Variants in COMMD1 observed in about 807,000 individuals in gnomAD.
COMMD1 encodes copper metabolism domain containing 1.
Under a neutral mutation model 17.2 loss-of-function variants are expected in COMMD1, and 10 were observed. The observed-to-expected ratio is 0.58, with a 90% CI of 0.36 to 0.99. The LOEUF (loss-of-function observed/expected upper bound fraction) is 0.99. Ranked by LOEUF, COMMD1 falls within the 50% of genes least tolerant of loss-of-function variation. The pLI, the probability that COMMD1 is intolerant of heterozygous loss-of-function variation, is 0.01. For synonymous variants in COMMD1, 97 were observed against 91.6 expected, an observed-to-expected ratio of 1.06 and a Z score of -0.34; for missense variants, 270 against 231.8, an observed-to-expected ratio of 1.17 and a Z score of -1.07.
chr2:61,914,647 G>A (rs1427216533), intron 1 of COMMD1, among the ~76,000 whole-genome samples: 3 of 152,100 alleles, frequency 2.0e-5, no homozygotes, highest in Non-Finnish European at 4.4e-5. Flanking sequence ...GTTGGGCGAG[G>A]TGGCTCATGC....
chr2:61,889,139 GT>G (rs1385735670), intron 1 of COMMD1, among the ~76,000 whole-genome samples: 1 of 148,054 alleles, frequency 6.8e-6, no homozygotes, highest in Non-Finnish European at 1.5e-5. Flanking sequence ...CCGACCTCAG[GT>G]GATCCACCCG....
intron 1 of COMMD1, among the ~76,000 whole-genome samples, chr2:61,950,069 A>G (rs900639371): frequency 3.9e-5 from 6 of 152,228 alleles, no homozygotes; most frequent in African/African-American, 1.4e-4. Context: ...TACCCGAAGA[A>G]CTAGTTCCTA....
intron 1 of COMMD1, among the ~76,000 whole-genome samples, chr2:61,891,264 G>GC (rs1225723501): frequency 2.0e-5 from 3 of 152,148 alleles, no homozygotes; most frequent in Non-Finnish European, 4.4e-5. Flanking sequence ...GAGTCTTAAA[G>GC]TTTTGAGACA....
chr2:61,970,591 A>C (rs760518961), intron 1 of COMMD1, among the ~76,000 whole-genome samples: 93 of 152,342 alleles, frequency 6.1e-4, no homozygotes, highest in Non-Finnish European at 9.3e-4. Flanking sequence ...TATTATAGAC[A>C]CAGATTTTTA....
intron 2 of COMMD1, among the ~76,000 whole-genome samples, chr2:62,078,674 G>A (rs532979082): frequency 6.7e-6 from 1 of 149,688 alleles, no homozygotes; most frequent in Non-Finnish European, 1.5e-5. Flanking sequence ...TGAGACCAGC[G>A]TGGCCAGCAT....
intron 1 of COMMD1, among the ~76,000 whole-genome samples, chr2:61,992,964 T>A (rs1672288994): frequency 6.6e-6 from 1 of 152,220 alleles, no homozygotes; most frequent in Non-Finnish European, 1.5e-5. Flanking sequence ...ACCCTCTGAT[T>A]TATACTTATA....
intron 2 of COMMD1, among the ~76,000 whole-genome samples, chr2:62,121,071 A>G (rs941217212): frequency 6.6e-6 from 1 of 152,032 alleles, no homozygotes; most frequent in African/African-American, 2.4e-5. Context: ...ACAGGTAACC[A>G]TTAAATCCTC....
intron 2 of COMMD1, among the ~76,000 whole-genome samples, chr2:62,116,596 C>T (rs1394801429): frequency 6.7e-6 from 1 of 148,422 alleles, no homozygotes; most frequent in Non-Finnish European, 1.5e-5. Context: ...CACTTAAACC[C>T]AGGAGGCGGA....
At chr2:61,904,159 C>T (rs574457207), upstream of COMMD1, among the ~76,000 whole-genome samples, 224 of 152,108 alleles carry the variant, frequency 1.5e-3, 1 homozygote, top group African/African-American at 3.7e-3. Flanking sequence ...TACAGGCGCC[C>T]GCCACTAGGC....
chr2:61,929,857 A>G lies in COMMD1; in HGVS notation c.180+23999A>G, dbSNP rs148803689. 7.1e-4 allele frequency among the ~76,000 whole-genome samples: 108 copies of G among 152,160 alleles called. 3 individuals carry two copies. The East Asian group carries it at 0.018, about 26-fold the overall frequency. On this transcript the variant is annotated intron_variant, in intron 1 of 2. Coordinates refer to ENST00000311832, the MANE Select transcript of COMMD1 (RefSeq NM_152516.4). The stretch of plus-strand genomic sequence containing the variant: ...GAGGATCACCTGAGCCTGGGAGGAC[A>G]AGGCTGTAGTGAGCTAGTGAGCTGT...
At chr2:62,129,611 C>T (rs1012763660) in intron 2 of COMMD1, among the ~76,000 whole-genome samples, 1 of 152,146 alleles carries the variant, frequency 6.6e-6, no homozygotes, top group African/African-American at 2.4e-5. Flanking sequence ...TTTTGAACTT[C>T]TCTGGCAGGC....
At chr2:61,937,482 A>G (rs1670634497) in intron 1 of COMMD1, among the ~76,000 whole-genome samples, 1 of 152,204 alleles carries the variant, frequency 6.6e-6, no homozygotes, top group Admixed American at 6.5e-5. Flanking sequence ...TGGCCAAGGG[A>G]CTTAGAGTAA....
At chr2:62,087,322 A>T (rs1671698419) in intron 2 of COMMD1, among the ~76,000 whole-genome samples, 1 of 152,204 alleles carries the variant, frequency 6.6e-6, no homozygotes, top group African/African-American at 2.4e-5. Context: ...TCAAAGAAAG[A>T]CCTGAATGCA....
intron 1 of COMMD1, among the ~76,000 whole-genome samples, chr2:61,987,920 C>T (rs769314746): frequency 2.0e-5 from 3 of 152,208 alleles, no homozygotes; most frequent in Non-Finnish European, 4.4e-5. Context: ...CTCCCCTTCT[C>T]CCAGGCAGGA....
chr2:62,091,747 A>G (rs1007724750), intron 2 of COMMD1, among the ~76,000 whole-genome samples: 13 of 152,212 alleles, frequency 8.5e-5, no homozygotes, highest in South Asian at 8.3e-4. Flanking sequence ...ATGCTATGGC[A>G]GTTTATACAG....
chr2:62,092,416 T>A (rs1333024436), intron 2 of COMMD1, among the ~76,000 whole-genome samples: 2 of 152,208 alleles, frequency 1.3e-5, no homozygotes, highest in Non-Finnish European at 2.9e-5. Context: ...AGTGTTCTCT[T>A]GATTTGCAGG....
intron 2 of COMMD1, among the ~76,000 whole-genome samples, chr2:62,109,381 C>G (rs935069847): frequency 6.6e-6 from 1 of 152,154 alleles, no homozygotes; most frequent in Non-Finnish European, 1.5e-5. Context: ...AGCAGGAACT[C>G]ATTTTGGTCT....
chr2:62,070,521 C>G (rs1671169654), intron 2 of COMMD1: 1 of 144,370 alleles, frequency 6.9e-6, no homozygotes, highest in African/African-American at 2.6e-5. Flanking sequence ...GCAACCTAGC[C>G]TGAATGACAG....
chr2:62,125,982 C>T lies in COMMD1; in HGVS notation c.463-9849C>T, dbSNP rs1002601651. 5.3e-5 allele frequency among the ~76,000 whole-genome samples: 8 copies of T among 152,170 alleles called. 1 individual carries two copies. The highest frequency in any genetic ancestry group is 1.0e-4 in the Non-Finnish European group (7 of 68,020). On this transcript the variant is annotated intron_variant, in intron 2 of 2. Transcript: ENST00000311832. The stretch of plus-strand genomic sequence containing the variant: ...TTCCCTCCCTGTGTCCATGTGTTCT[C>T]ATTGTTCAGCTCCCACTTATAAGTG...
Sources: allele counts gnomAD v4.1 joint callset (sites outside exome capture counted in the v4.1 genomes callset), GRCh38; gene constraint gnomAD v4.1.1; transcripts MANE v1.5; gene names NCBI Gene and HGNC (gene_info 2026-07-23, HGNC 2026-07-21).